GLRB: variants seen among roughly 807,000 people sequenced by gnomAD.
GLRB encodes the protein glycine receptor beta.
Under a neutral mutation model 54.2 loss-of-function variants are expected in GLRB, and 33 were observed. That is an observed-to-expected ratio of 0.61 (90% CI 0.46 to 0.81). GLRB has a LOEUF of 0.81. Ranked by LOEUF, GLRB falls within the 40% of genes least tolerant of loss-of-function variation. The probability of loss-of-function intolerance (pLI) is 0.00; values close to 1 mark genes in which losing one functional copy is unlikely to be tolerated. For missense variants in GLRB, 572 were observed against 584.6 expected (o/e 0.98, Z 0.22); for synonymous variants, 209 against 208.2 (o/e 1.00, Z -0.03).
chr4:157,122,464 A>T, intron 4 of GLRB, 67 bp downstream of exon 4: 1 of 636,600 alleles, frequency 1.6e-6, no homozygotes, highest in Non-Finnish European at 2.9e-6. Context: ...AAGTAACATT[A>T]AAATTGAACA....
intron 1 of GLRB, among the ~76,000 whole-genome samples, chr4:157,076,811 A>G (rs1734050187): frequency 6.6e-6 from 1 of 151,202 alleles, no homozygotes; most frequent in Non-Finnish European, 1.5e-5. Context: ...CGGATGGGGG[A>G]AGGGAGCGTC....
At chr4:157,155,720 CT>C (rs1383838447) in intron 9 of GLRB, among the ~76,000 whole-genome samples, 1 of 152,046 alleles carries the variant, frequency 6.6e-6, no homozygotes, top group Non-Finnish European at 1.5e-5. Context: ...GTTGTTTGGT[CT>C]TTTGGTCGAG....
At chr4:157,109,885 G>A (rs538204951) in intron 2 of GLRB, among the ~76,000 whole-genome samples, 64 of 152,064 alleles carry the variant, frequency 4.2e-4, no homozygotes, top group Admixed American at 1.2e-3. Context: ...TGTGAGAAGG[G>A]GCATAAAGCT....
At chr4:157,081,925 A>G (rs111928716) in intron 2 of GLRB, among the ~76,000 whole-genome samples, 297 of 152,294 alleles carry the variant, frequency 2.0e-3, no homozygotes, top group Admixed American at 3.0e-3. Context: ...TGATACCTCC[A>G]GCAGTATCTT....
rs1202377867 is a variant in GLRB at position 157,172,068 on chromosome 4, A to G, written c.*1340A>G. On this transcript the variant is annotated 3_prime_UTR_variant, in exon 10 of 10. Transcript: ENST00000264428. ...GAGTTTGTATGGCAAATTCAATAAT[A>G]AAGTATTGTTTATGCAAATTGCCAT... The G allele has an allele frequency of 6.6e-6, 1 of 151,904 alleles. No individual in the cohort carries two copies. Among genetic ancestry groups the G allele is most frequent in the African/African-American group, 2.4e-5 (1 of 41,424 alleles). 9.4% of individuals were successfully genotyped at this position (151,904 alleles called of 1,614,324 possible).
rs1291558550 is a variant in GLRB, at chr4:157,152,806, T to C, written c.993T>C (p.Val331=). 6.2e-7 allele frequency: 1 copy of C among 1,613,996 alleles called. No homozygotes were observed. Among genetic ancestry groups the C allele is most frequent in the Non-Finnish European group, 8.5e-7 (1 of 1,179,902 alleles). Reference sequence around the variant, plus strand: ...TTTCCTATGTGAAGGCTCTTGATGTTTGGCTTATTGCTTGCCTTCTCTTTG... The same window carrying C: ...TTTCCTATGTGAAGGCTCTTGATGTCTGGCTTATTGCTTGCCTTCTCTTTG... ...PKVSYVKALD[V]WLIACLLFGF... Residue 331 remains valine, a synonymous_variant, in exon 9 of 10, where the codon GTT becomes GTC. Transcript: ENST00000264428.
At chr4:157,124,835 A>G (rs1409393799) in intron 4 of GLRB, among the ~76,000 whole-genome samples, 1 of 151,782 alleles carries the variant, frequency 6.6e-6, no homozygotes, top group African/African-American at 2.4e-5. Context: ...TCAGAACTAC[A>G]CTCATTAAAT....
At chr4:157,135,428 C>T (rs992031910) in intron 4 of GLRB, among the ~76,000 whole-genome samples, 18 of 151,984 alleles carry the variant, frequency 1.2e-4, no homozygotes, top group African/African-American at 4.4e-4. Flanking sequence ...TGGGAGGGAC[C>T]TGGTGGGAGA....
At chr4:157,100,176 A>G (rs1293608589) in intron 2 of GLRB, among the ~76,000 whole-genome samples, 1 of 152,158 alleles carries the variant, frequency 6.6e-6, no homozygotes, top group African/African-American at 2.4e-5. Flanking sequence ...CTTTTGTCTC[A>G]AGAAATCTTT....
chr4:157,133,192 A>T (rs915029154), intron 4 of GLRB, among the ~76,000 whole-genome samples: 1 of 151,990 alleles, frequency 6.6e-6, no homozygotes, highest in Non-Finnish European at 1.5e-5. Flanking sequence ...AATAATACAT[A>T]TAATAAAAGT....
At chr4:157,131,096 C>T (rs1450098880) in intron 4 of GLRB, among the ~76,000 whole-genome samples, 1 of 151,628 alleles carries the variant, frequency 6.6e-6, no homozygotes, top group African/African-American at 2.4e-5. Context: ...TCTAATTTTA[C>T]AGTCATAACC....
At chr4:157,151,536 T>A (rs1048768849) in intron 8 of GLRB, among the ~76,000 whole-genome samples, 1 of 152,096 alleles carries the variant, frequency 6.6e-6, no homozygotes, top group African/African-American at 2.4e-5. Flanking sequence ...TGTTATATAT[T>A]GAATATTGTT....
rs765649743 is a variant in GLRB, at chr4:157,170,573, G to A, written c.1339G>A (p.Gly447Arg). Residue 447 changes from glycine (G) to arginine (R), a missense_variant, in exon 10 of 10, where the codon GGA becomes AGA. Physicochemically the swap from Gly to Arg is moderately radical, Grantham distance 125. Coordinates refer to ENST00000264428, the MANE Select transcript of GLRB (RefSeq NM_000824.5). ...CYGKPIEVNN[G>R]LGKSQAKNNK... ...TGGAAAACCCATTGAAGTTAACAAC[G>A]GACTTGGGAAATCTCAGGCTAAGAA... The A allele has an allele frequency of 3.5e-5, 56 of 1,613,326 alleles. No homozygotes were observed. In the South Asian group the frequency reaches 4.3e-4, roughly 12 times the overall value.
In GLRB at chr4:157,170,820, A is replaced by G; in HGVS notation, c.*92A>G. On this transcript the variant is annotated 3_prime_UTR_variant, in exon 10 of 10. Coordinates refer to ENST00000264428, the MANE Select transcript of GLRB (RefSeq NM_000824.5). The stretch of plus-strand genomic sequence containing the variant: ...AATCTGTGAGAACTTTTGAATTTTC[A>G]TAGCAACATTGCATTTTGGATGCCA... 2 of 700,890 alleles carry G rather than the reference A, an allele frequency of 2.9e-6. No homozygotes were observed. Among genetic ancestry groups the G allele is most frequent in the South Asian group, 4.3e-5 (2 of 46,576 alleles). 43.4% of individuals were successfully genotyped at this position (700,890 alleles called of 1,614,324 possible). A position where few individuals can be genotyped will look rare whatever the true frequency, so the allele number is the denominator to read the frequency against.
In GLRB at chr4:157,171,559, A is replaced by G. The variant is rs572618601; in HGVS notation, c.*831A>G. 3 of 152,328 alleles carry G rather than the reference A, an allele frequency of 2.0e-5. No homozygotes were observed. Among genetic ancestry groups the G allele is most frequent in the African/African-American group, 7.2e-5 (3 of 41,412 alleles). The allele number at this position is 152,328 out of a possible 1,614,324, so 9.4% of individuals were successfully genotyped here. A position where few individuals can be genotyped will look rare whatever the true frequency, so the allele number is the denominator to read the frequency against. On this transcript the variant is annotated 3_prime_UTR_variant, in exon 10 of 10. Transcript: ENST00000264428. The stretch of plus-strand genomic sequence containing the variant: ...ATGAGTCATACATCTTTTAAATTGG[A>G]ATGCAGTAATAGATATGTGATTTTA...
intron 2 of GLRB, among the ~76,000 whole-genome samples, chr4:157,088,255 A>G (rs1734483432): frequency 6.6e-6 from 1 of 152,024 alleles, no homozygotes; most frequent in Non-Finnish European, 1.5e-5. Context: ...TGTTCTTTAT[A>G]TCATGTTTAA....
At chr4:157,169,990 G>T (rs73856844) in intron 9 of GLRB, among the ~76,000 whole-genome samples, 2 of 152,066 alleles carry the variant, frequency 1.3e-5, no homozygotes, top group Admixed American at 1.3e-4. Context: ...TTTATAAACC[G>T]CTCTACTTGG....
At chr4:157,140,051 C>A (rs1736551906) in intron 7 of GLRB, among the ~76,000 whole-genome samples, 1 of 151,930 alleles carries the variant, frequency 6.6e-6, no homozygotes, top group Non-Finnish European at 1.5e-5. Context: ...AGTTAAACAT[C>A]TATTGTTGAC....
rs2126408955 is a variant in GLRB at position 157,078,083 on chromosome 4, C to T, written c.59C>T (p.Ala20Val). 1 of 1,608,344 alleles carries T rather than the reference C, an allele frequency of 6.2e-7. No individual in the cohort carries two copies. The highest frequency in any genetic ancestry group is 2.2e-5 in the East Asian group (1 of 44,686). ...TTAATTTCCTTGTGGGTGGAAGAAG[C>T]CTATTCTAAGGAAAAGTCTTCAAAG... ...LILISLWVEE[A>V]YSKEKSSKKG... Residue 20 changes from alanine (A) to valine (V), a missense_variant, in exon 2 of 10, where the codon GCC (alanine) becomes GTC (valine). Coordinates refer to ENST00000264428, the MANE Select transcript of GLRB (RefSeq NM_000824.5).
Sources: allele counts gnomAD v4.1 joint callset (sites outside exome capture counted in the v4.1 genomes callset), GRCh38; gene constraint gnomAD v4.1.1; transcripts MANE v1.5; gene names NCBI Gene and HGNC (gene_info 2026-07-23, HGNC 2026-07-21).